The following VRK2 variants were observed in gnomAD, a reference collection of about 807,000 sequenced individuals.
VRK2 encodes VRK serine/threonine kinase 2.
In VRK2, 60 loss-of-function variants were observed where a neutral mutation model predicts 57.6. The ratio of observed to expected loss-of-function variants is 1.04; its 90% CI spans 0.85 to 1.29. The LOEUF (loss-of-function observed/expected upper bound fraction) is 1.29, where lower values mean the gene tolerates loss of function less well. VRK2 is among the 50% of genes most tolerant of loss of function. The pLI is 0.00. For missense variants in VRK2, 705 were observed against 588.1 expected (o/e 1.20, Z -2.06); for synonymous variants, 231 against 199.2 (o/e 1.16, Z -1.35).
At chr2:58,031,933 C>A (rs533860178) in intron 2 of VRK2, among the ~76,000 whole-genome samples, 1 of 152,216 alleles carries the variant, frequency 6.6e-6, no homozygotes, top group South Asian at 2.1e-4. Flanking sequence ...TTAACAGATT[C>A]TTTGTCCATC....
chr2:58,070,040 G>C (rs1669168050), intron 2 of VRK2, among the ~76,000 whole-genome samples: 1 of 152,132 alleles, frequency 6.6e-6, no homozygotes, highest in Non-Finnish European at 1.5e-5. Flanking sequence ...AGATAGTACA[G>C]AATTCTCATA....
chr2:57,939,518 A>G (rs1436161284), intron 1 of VRK2, among the ~76,000 whole-genome samples: 1 of 152,200 alleles, frequency 6.6e-6, no homozygotes, highest in Non-Finnish European at 1.5e-5. Context: ...TTATTCAAAT[A>G]AAAAAATGAG....
intron 1 of VRK2, among the ~76,000 whole-genome samples, chr2:57,910,101 T>A (rs557421198): frequency 6.7e-6 from 1 of 148,924 alleles, no homozygotes; most frequent in Non-Finnish European, 1.5e-5. Flanking sequence ...AAACCATGAA[T>A]GAAGATAGAG....
At chr2:57,981,425 C>T (rs1672419430) in intron 1 of VRK2, among the ~76,000 whole-genome samples, 1 of 152,106 alleles carries the variant, frequency 6.6e-6, no homozygotes, top group Admixed American at 6.5e-5. Context: ...ACACTGTTCC[C>T]TTTTTATATT....
chr2:58,121,862 T>G (rs1677564134), intron 7 of VRK2, among the ~76,000 whole-genome samples: 1 of 152,152 alleles, frequency 6.6e-6, no homozygotes, highest in African/African-American at 2.4e-5. Context: ...GTAACCACAG[T>G]TGGGAACTAC....
chr2:57,997,984 C>T (rs997096183), intron 1 of VRK2, among the ~76,000 whole-genome samples: 5 of 152,018 alleles, frequency 3.3e-5, no homozygotes, highest in Non-Finnish European at 7.4e-5. Context: ...TATTTGATAA[C>T]TATTATGACA....
At chr2:58,145,517 A>G (rs1257632343) in intron 11 of VRK2, among the ~76,000 whole-genome samples, 1 of 152,056 alleles carries the variant, frequency 6.6e-6, no homozygotes, top group African/African-American at 2.4e-5. Context: ...TAATGAATTC[A>G]TGTGCAGCTT....
intron 1 of VRK2, among the ~76,000 whole-genome samples, chr2:57,938,827 C>T (rs1048005355): frequency 3.5e-5 from 3 of 84,880 alleles, no homozygotes; most frequent in African/African-American, 1.8e-4. Context: ...AGAGACTTGT[C>T]TTCCTTCTCT....
chr2:57,938,989 A>G (rs957277606), intron 1 of VRK2, among the ~76,000 whole-genome samples: 2 of 152,236 alleles, frequency 1.3e-5, no homozygotes, highest in African/African-American at 4.8e-5. Context: ...ACTCCAGAGT[A>G]TGAGCAACAC....
At chr2:58,050,185 T>G (rs1242790484) in intron 2 of VRK2, among the ~76,000 whole-genome samples, 1 of 152,212 alleles carries the variant, frequency 6.6e-6, no homozygotes, top group African/African-American at 2.4e-5. Flanking sequence ...ATTATTTTAA[T>G]AATATTTAAT....
At chr2:58,036,154 C>T (rs1453867242) in intron 3 of VRK2, among the ~76,000 whole-genome samples, 2 of 151,682 alleles carry the variant, frequency 1.3e-5, no homozygotes, top group Admixed American at 6.6e-5. Flanking sequence ...TGAAGTGGTC[C>T]CAATTGTATG....
At chr2:57,967,223 G>A (rs1010381794) in intron 1 of VRK2, among the ~76,000 whole-genome samples, 5 of 152,248 alleles carry the variant, frequency 3.3e-5, no homozygotes, top group South Asian at 2.1e-4. Flanking sequence ...GGGGCCTGTC[G>A]GCGGGTGCGG....
At chr2:57,914,237 C>A (rs1160669481) in intron 1 of VRK2, among the ~76,000 whole-genome samples, 3 of 145,858 alleles carry the variant, frequency 2.1e-5, no homozygotes, top group African/African-American at 7.4e-5. Context: ...CTATTTGTGG[C>A]ACTTAACCTT....
chr2:58,061,760 C>A (rs1677377056), intron 2 of VRK2, among the ~76,000 whole-genome samples: 1 of 151,920 alleles, frequency 6.6e-6, no homozygotes, highest in Non-Finnish European at 1.5e-5. Flanking sequence ...GAAGAGAAAG[C>A]AGACCTTCAA....
intron 1 of VRK2, among the ~76,000 whole-genome samples, chr2:57,922,291 T>A (rs1284615299): frequency 1.3e-5 from 2 of 152,076 alleles, no homozygotes; most frequent in African/African-American, 4.8e-5. Context: ...AAGACCAATA[T>A]ATTGTCGTCA....
intron 1 of VRK2, among the ~76,000 whole-genome samples, chr2:57,922,118 AG>A (rs1670369846): frequency 6.6e-6 from 1 of 152,000 alleles, no homozygotes; most frequent in African/African-American, 2.4e-5. Context: ...CTTGTGTTTG[AG>A]GGGATTTAGA....
intron 3 of VRK2, among the ~76,000 whole-genome samples, chr2:58,036,862 G>T (rs151131688): frequency 6.6e-5 from 10 of 152,002 alleles, no homozygotes; most frequent in African/African-American, 2.4e-4. Flanking sequence ...TAGCCACTAG[G>T]TACATGTGGC....
chr2:58,143,908 C>G (rs1681711177), intron 11 of VRK2, among the ~76,000 whole-genome samples: 1 of 151,292 alleles, frequency 6.6e-6, no homozygotes, highest in South Asian at 2.1e-4. Flanking sequence ...TTTTCTTTAT[C>G]CACAAAGTGT....
At chr2:58,130,341 A>G (rs547832544) in intron 8 of VRK2, among the ~76,000 whole-genome samples, 6 of 152,182 alleles carry the variant, frequency 3.9e-5, no homozygotes, top group Non-Finnish European at 8.8e-5. Context: ...TCCATTATTA[A>G]TGGGAGATTT....
Sources: gnomAD v4.1 joint callset for allele counts (sites outside exome capture counted in the v4.1 genomes callset) on GRCh38, gnomAD v4.1.1 for gene constraint, MANE v1.5 for transcripts, NCBI Gene and HGNC (gene_info 2026-07-23, HGNC 2026-07-21) for gene names.